CENPK: variants seen among roughly 807,000 people sequenced by gnomAD.
CENPK encodes centromere protein K.
In CENPK, 46 loss-of-function variants were observed where a neutral mutation model predicts 40.9. That is an observed-to-expected ratio of 1.13 (90% CI 0.89 to 1.44). CENPK has a LOEUF of 1.44. Among genes scored for constraint, CENPK ranks in the 40% most tolerant of loss-of-function variants. CENPK has a pLI of 0.00. For synonymous variants in CENPK, 107 were observed against 104.4 expected (o/e 1.02, Z -0.15); for missense variants, 288 against 303.5 (o/e 0.95, Z 0.38).
the CENPK span, among the ~76,000 whole-genome samples, chr5:65,497,420 C>T: frequency 6.6e-6 from 1 of 151,956 alleles, no homozygotes; most frequent in Non-Finnish European, 1.5e-5. Context: ...AGCAGTCACC[C>T]TTAGTGATAA....
At chr5:65,552,396 T>C (rs1750234577) in intron 4 of CENPK, 97 bp downstream of exon 4, 2 of 698,010 alleles carry the variant, frequency 2.9e-6, no homozygotes, top group Non-Finnish European at 2.4e-6. Context: ...TTAACAAAGG[T>C]ATTAAACTTG....
chr5:65,508,345 T>C, the CENPK span, among the ~76,000 whole-genome samples: 1 of 152,248 alleles, frequency 6.6e-6, no homozygotes, highest in South Asian at 2.1e-4. Flanking sequence ...GGAAGATTTA[T>C]TCATTCTCTC....
chr5:65,513,189 TTC>T (rs1742639447), downstream of CENPK, among the ~76,000 whole-genome samples: 3 of 152,230 alleles, frequency 2.0e-5, no homozygotes, highest in South Asian at 6.2e-4. Flanking sequence ...ACTAATTTTT[TTC>T]TTTCATGAAT....
chr5:65,551,395 A>AT (rs1189323220), intron 5 of CENPK, among the ~76,000 whole-genome samples, 169 bp downstream of exon 5: 2 of 152,168 alleles, frequency 1.3e-5, no homozygotes. Flanking sequence ...ATCAATAATA[A>AT]TAAAAGAAGT....
At chr5:65,551,249 C>CAAAA (rs58442174) in intron 5 of CENPK, 398 of 111,864 alleles carry the variant, frequency 3.6e-3, no homozygotes, top group South Asian at 5.5e-3. Flanking sequence ...GACCCTGTCT[C>CAAAA]AAAAAAAAAA....
chr5:65,546,315 T>C (rs186203552), intron 5 of CENPK, among the ~76,000 whole-genome samples: 2 of 148,090 alleles, frequency 1.4e-5, no homozygotes, highest in Non-Finnish European at 3.0e-5. Context: ...TGTTCTAATT[T>C]TAACAAATAT....
intron 5 of CENPK, 138 bp downstream of exon 5, chr5:65,551,426 A>T: frequency 1.8e-6 from 1 of 550,320 alleles, no homozygotes. Flanking sequence ...TCACAGAAAA[A>T]AAGTGGCTTC....
At chr5:65,508,820 A>G in the CENPK span, among the ~76,000 whole-genome samples, 2 of 151,798 alleles carry the variant, frequency 1.3e-5, no homozygotes, top group African/African-American at 4.8e-5. Context: ...AAAACTGTGA[A>G]ACTTCTGGGA....
chr5:65,528,503 C>T lies in CENPK; in HGVS notation c.546G>A (p.Glu182=), dbSNP rs1745150168. The change falls in exon 9 of 11, where the codon GAG becomes GAA. Residue 182 remains glutamate (E), a synonymous_variant. Coordinates refer to ENST00000396679, the MANE Select transcript of CENPK (RefSeq NM_022145.5). ...YKEKLLSTLG[E]FLEDHFPLPD... ...GCAGAGGAAAATGGTCTTCTAGAAA[C>T]TCGCCCAAGGTACTCAAGAGTTTCT... 6.2e-7 allele frequency: 1 copy of T among 1,607,228 alleles called. No homozygotes were observed. The highest frequency in any genetic ancestry group is 8.5e-7 in the Non-Finnish European group (1 of 1,178,040).
intron 7 of CENPK, 22 bp downstream of exon 7, chr5:65,529,095 A>G: frequency 6.4e-7 from 1 of 1,554,230 alleles, no homozygotes; most frequent in African/African-American, 1.4e-5. Context: ...AATGATTAAT[A>G]GTAATTGTAA....
rs1169846443 is a variant in CENPK, at chr5:65,535,450, TAG to T, written c.289-6253_289-6252del. ...TTGGGTCACATGGCACCAGCTTGAT[TAG>T]AGAGTTTATGCTAACTATGTGATTT... On this transcript the variant is annotated intron_variant, in intron 6 of 10. Coordinates refer to ENST00000396679, the MANE Select transcript of CENPK (RefSeq NM_022145.5). 5.9e-5 allele frequency among the ~76,000 whole-genome samples: 9 copies of T among 152,322 alleles called. No individual in the cohort carries two copies. The South Asian group carries it at 1.0e-3, about 18-fold the overall frequency.
chr5:65,551,142 C>A, intron 5 of CENPK: 1 of 391,130 alleles, frequency 2.6e-6, no homozygotes, highest in Admixed American at 3.2e-5. Flanking sequence ...CCTAGCTACT[C>A]AGGAGGCTGA....
intron 5 of CENPK, among the ~76,000 whole-genome samples, chr5:65,549,408 G>A (rs1306715105): frequency 1.3e-5 from 2 of 152,220 alleles, no homozygotes; most frequent in African/African-American, 2.4e-5. Context: ...GTCACCAGCT[G>A]CACTAGTCCT....
chr5:65,518,685 AG>A, intron 10 of CENPK, 52 bp from the exon 11 acceptor site: 1 of 1,228,676 alleles, frequency 8.1e-7, no homozygotes, highest in South Asian at 1.4e-5. Context: ...AAGTCAATAT[AG>A]CTATAAGAAA....
chr5:65,518,398 T>G lies in CENPK; in HGVS notation c.*77A>C, dbSNP rs1312201262. On this transcript the variant is annotated 3_prime_UTR_variant, in exon 11 of 11. Transcript: ENST00000396679. ...GCGCATTAATTTGCAAATAATGTTT[T>G]TTATCCAAATAGTCCTGTGGTTCCA... 4 of 1,448,006 alleles carry G rather than the reference T, an allele frequency of 2.8e-6. No individual in the cohort carries two copies. In the African/African-American group the frequency reaches 5.8e-5, roughly 21 times the overall value. The allele number at this position is 1,448,006 out of a possible 1,614,324, so 89.7% of individuals were successfully genotyped here.
chr5:65,515,603 AT>A (rs914917584), downstream of CENPK, among the ~76,000 whole-genome samples: 4 of 152,132 alleles, frequency 2.6e-5, no homozygotes, highest in African/African-American at 9.7e-5. Context: ...GTGTTCCTTA[AT>A]CTACAAGTAT....
intron 9 of CENPK, 75 bp from the exon 10 acceptor site, chr5:65,521,603 A>G: frequency 9.9e-7 from 1 of 1,012,826 alleles, no homozygotes; most frequent in Non-Finnish European, 1.5e-6. Flanking sequence ...CTGTTTTTAT[A>G]AGACTTTTAT....
downstream of CENPK, chr5:65,517,703 C>T (rs1245123839): frequency 1.3e-5 from 2 of 152,078 alleles, no homozygotes; most frequent in East Asian, 1.9e-4. Context: ...AGTCCTATAT[C>T]TTAGTTTATC....
the CENPK span, among the ~76,000 whole-genome samples, chr5:65,495,710 AG>A: frequency 1.1e-4 from 17 of 152,238 alleles, no homozygotes; most frequent in Non-Finnish European, 2.2e-4. Context: ...GCACTGTTCT[AG>A]AATAACGATC....
Sources: allele counts gnomAD v4.1 joint callset (sites outside exome capture counted in the v4.1 genomes callset), GRCh38; gene constraint gnomAD v4.1.1; transcripts MANE v1.5; gene names NCBI Gene and HGNC (gene_info 2026-07-23, HGNC 2026-07-21).